EPB41L4A: variants seen among roughly 807,000 people sequenced by gnomAD.
EPB41L4A encodes band 4.1-like protein 4A.
Under a neutral mutation model 108.6 loss-of-function variants are expected in EPB41L4A, and 100 were observed. The observed-to-expected ratio is 0.92, with a 90% CI of 0.78 to 1.09. The LOEUF (loss-of-function observed/expected upper bound fraction) is 1.09, where lower values mean the gene tolerates loss of function less well. EPB41L4A is among the 50% of genes least tolerant of loss of function. The probability of loss-of-function intolerance (pLI) is 0.00; values close to 1 mark genes in which losing one functional copy is unlikely to be tolerated. For synonymous variants in EPB41L4A, 319 were observed against 289.0 expected (o/e 1.10, Z -1.05); for missense variants, 1,030 against 842.7 (o/e 1.22, Z -2.75).
intron 1 of EPB41L4A, among the ~76,000 whole-genome samples, chr5:112,376,437 G>T (rs111761069): frequency 1.7e-4 from 26 of 152,182 alleles, no homozygotes; most frequent in Admixed American, 2.6e-4. Flanking sequence ...TGGTGGGACC[G>T]TAAAATGGTA....
At chr5:112,262,189 C>T (rs1157400815) in intron 7 of EPB41L4A, among the ~76,000 whole-genome samples, 9 of 152,168 alleles carry the variant, frequency 5.9e-5, no homozygotes, top group Admixed American at 5.9e-4. Context: ...AGCAACCACG[C>T]CTGGCCTATA....
At chr5:112,359,112 T>C (rs1411241889) in intron 1 of EPB41L4A, among the ~76,000 whole-genome samples, 1 of 152,256 alleles carries the variant, frequency 6.6e-6, no homozygotes, top group Non-Finnish European at 1.5e-5. Context: ...GGATGGTGTT[T>C]ACACAACTAT....
chr5:112,266,449 C>A (rs1451581662), intron 4 of EPB41L4A, 119 bp from the exon 5 acceptor site: 6 of 665,368 alleles, frequency 9.0e-6, no homozygotes, highest in South Asian at 2.1e-5. Context: ...AGTCACCCCC[C>A]ATTCTTGTGT....
Position 112,239,670 on chromosome 5 carries a change from G to T in EPB41L4A, c.955C>A (p.His319Asn), listed in dbSNP as rs1431646443. The stretch of plus-strand genomic sequence containing the variant: ...AAAAATGTCATTTACCTGTAGCGGT[G>T]CTTATAACGTATGGATCCAAACTTG... Reference protein sequence around the residue: ...LSKFGSIRYKHRYSGRTALQM... With the variant: ...LSKFGSIRYKNRYSGRTALQM... Residue 319 changes from histidine (H) to asparagine (N), a missense_variant, in exon 11 of 23, where the codon CAC (histidine) becomes AAC (asparagine). By Grantham distance (68) the His-to-Asn change is moderately conservative. Coordinates refer to ENST00000261486, the MANE Select transcript of EPB41L4A (RefSeq NM_022140.5). The T allele has an allele frequency of 5.0e-6, 8 of 1,602,960 alleles. No homozygotes were observed. Among genetic ancestry groups the T allele is most frequent in the Non-Finnish European group, 6.8e-6 (8 of 1,174,738 alleles).
intron 1 of EPB41L4A, among the ~76,000 whole-genome samples, chr5:112,402,950 C>T (rs2112759967): frequency 6.6e-6 from 1 of 151,976 alleles, no homozygotes; most frequent in Admixed American, 6.6e-5. Context: ...CACAACTGAC[C>T]CAAATATTAA....
chr5:112,148,396 T>C (rs573837446), intron 12 of EPB41L4A, among the ~76,000 whole-genome samples: 2 of 151,710 alleles, frequency 1.3e-5, no homozygotes, highest in Non-Finnish European at 2.9e-5. Flanking sequence ...ATTACATTTA[T>C]TATAAGAATT....
intron 1 of EPB41L4A, among the ~76,000 whole-genome samples, chr5:112,381,113 A>C (rs1225291593): frequency 6.6e-6 from 1 of 152,220 alleles, no homozygotes; most frequent in African/African-American, 2.4e-5. Flanking sequence ...AAAATGCATG[A>C]ACAGTTACAC....
intron 1 of EPB41L4A, among the ~76,000 whole-genome samples, chr5:112,408,833 A>G (rs1184701644): frequency 6.6e-6 from 1 of 151,980 alleles, no homozygotes; most frequent in Non-Finnish European, 1.5e-5. Flanking sequence ...AAAAAGATTT[A>G]TAACAAGCGC....
intron 4 of EPB41L4A, 119 bp downstream of exon 4, chr5:112,275,207 C>T (rs1580587238): frequency 4.8e-6 from 6 of 1,238,404 alleles, no homozygotes; most frequent in Admixed American, 3.2e-5. Context: ...TAAGGAGATG[C>T]GTTACAAAAT....
rs560397998 is a variant in EPB41L4A, at chr5:112,152,844, A to G, written n.994+5557T>C. On this transcript the variant is annotated intron_variant and non_coding_transcript_variant, in intron 12 of 13. Transcript: ENST00000507810. ...GCAAAAAAAATTACCAGATTCAAAGATTACATATTAATGGAAATTTAATTA... is the reference window on the plus strand; with the variant it reads ...GCAAAAAAAATTACCAGATTCAAAGGTTACATATTAATGGAAATTTAATTA... Among the ~76,000 whole-genome samples the G allele has an allele frequency of 3.3e-4, 50 of 152,158 alleles. 1 individual carries two copies. The highest frequency in any genetic ancestry group is 1.2e-3 in the African/African-American group (50 of 41,374).
At chr5:112,400,863 G>A (rs1018779010) in intron 1 of EPB41L4A, among the ~76,000 whole-genome samples, 18 of 148,008 alleles carry the variant, frequency 1.2e-4, no homozygotes, top group African/African-American at 4.3e-4. Context: ...ACATCACATG[G>A]AGACACAAAA....
intron 1 of EPB41L4A, among the ~76,000 whole-genome samples, chr5:112,380,678 C>T (rs968093901): frequency 1.3e-5 from 2 of 151,994 alleles, no homozygotes; most frequent in Non-Finnish European, 2.9e-5. Context: ...ACAGTTAAGT[C>T]TCTGATTATA....
chr5:112,408,629 G>A (rs145560354), intron 1 of EPB41L4A, among the ~76,000 whole-genome samples: 1 of 123,916 alleles, frequency 8.1e-6, no homozygotes, highest in East Asian at 2.7e-4. Context: ...AATCAGTTGA[G>A]GCCAGGACTT....
chr5:112,336,533 C>A (rs1392543267), intron 1 of EPB41L4A, among the ~76,000 whole-genome samples: 1 of 152,192 alleles, frequency 6.6e-6, no homozygotes, highest in Non-Finnish European at 1.5e-5. Context: ...GTCATTAGAG[C>A]TGTTCGCCAA....
At chr5:112,215,578 AT>A (rs1429442649) in intron 12 of EPB41L4A, among the ~76,000 whole-genome samples, 1 of 152,026 alleles carries the variant, frequency 6.6e-6, no homozygotes, top group African/African-American at 2.4e-5. Context: ...CTGGTTAACA[AT>A]GGTGAAACCC....
chr5:112,237,185 T>C (rs1317124425), intron 11 of EPB41L4A, among the ~76,000 whole-genome samples: 1 of 152,206 alleles, frequency 6.6e-6, no homozygotes, highest in Non-Finnish European at 1.5e-5. Flanking sequence ...AAATGTTTAA[T>C]CAAAGATTTC....
chr5:112,368,599 C>T (rs1284951930), intron 1 of EPB41L4A, among the ~76,000 whole-genome samples: 1 of 152,078 alleles, frequency 6.6e-6, no homozygotes, highest in Non-Finnish European at 1.5e-5. Context: ...GAGCCCAGGC[C>T]CAAAACCACT....
chr5:112,211,359 G>A (rs962068849), intron 12 of EPB41L4A, among the ~76,000 whole-genome samples: 1 of 152,146 alleles, frequency 6.6e-6, no homozygotes, highest in Non-Finnish European at 1.5e-5. Flanking sequence ...CGAGGCGGGC[G>A]GATCACGAGG....
At chr5:112,380,011 A>G (rs903119698) in intron 1 of EPB41L4A, among the ~76,000 whole-genome samples, 10 of 152,336 alleles carry the variant, frequency 6.6e-5, no homozygotes, top group African/African-American at 1.7e-4. Context: ...TCAAAACTTA[A>G]GAGTCAAAAT....
Sources: gnomAD v4.1 joint callset for allele counts (sites outside exome capture counted in the v4.1 genomes callset) on GRCh38, gnomAD v4.1.1 for gene constraint, MANE v1.5 for transcripts, NCBI Gene and HGNC (gene_info 2026-07-23, HGNC 2026-07-21) for gene names.